The following CDH23 variants were observed in gnomAD, a reference collection of about 807,000 sequenced individuals.
CDH23 encodes cadherin-23.
Under a neutral mutation model 317.1 loss-of-function variants are expected in CDH23, and 189 were observed. That is an observed-to-expected ratio of 0.60 (90% CI 0.53 to 0.67). CDH23 has a LOEUF of 0.67. Ranked by LOEUF, CDH23 falls within the 30% of genes least tolerant of loss-of-function variation. The pLI is 0.00. For synonymous variants in CDH23, 1,839 were observed against 1,876.8 expected, an observed-to-expected ratio of 0.98 and a Z score of 0.52; for missense variants, 4,401 against 4,592.4, an observed-to-expected ratio of 0.96 and a Z score of 1.20.
At chr10:71,416,178 C>T (rs1397751478) in intron 1 of CDH23, among the ~76,000 whole-genome samples, 2 of 152,172 alleles carry the variant, frequency 1.3e-5, no homozygotes, top group African/African-American at 4.8e-5. Flanking sequence ...GTGCGCACCA[C>T]CATGCCCGGC....
chr10:71,444,429 C>T (rs548599557), intron 2 of CDH23, among the ~76,000 whole-genome samples: 9 of 152,180 alleles, frequency 5.9e-5, no homozygotes, highest in African/African-American at 1.9e-4. Context: ...GTGCTCCTGA[C>T]AGGAGACTGG....
chr10:71,784,194 G>T, intron 41 of CDH23, 93 bp from the exon 42 acceptor site: 2 of 1,412,708 alleles, frequency 1.4e-6, no homozygotes, highest in Non-Finnish European at 1.9e-6. Context: ...CCTGTGACGA[G>T]TGAGGCTTGC....
At chr10:71,752,873 A>G (rs1840040804) in intron 38 of CDH23, 2 of 1,383,930 alleles carry the variant, frequency 1.4e-6, no homozygotes, top group African/African-American at 2.9e-5. Flanking sequence ...TCTTCTGACC[A>G]GCTGCTCTAG....
intron 1 of CDH23, among the ~76,000 whole-genome samples, chr10:71,403,408 T>TTTCTTTCTTTCTCTTCCTTC: frequency 1.8e-5 from 1 of 57,112 alleles, no homozygotes; most frequent in East Asian, 5.6e-4. Context: ...TCTTTCTTTC[T>TTTCTTTCTTTCTCTTCCTTC]CTTCCTTCCT....
At chr10:71,685,869 A>C (rs1864854079) in intron 18 of CDH23, among the ~76,000 whole-genome samples, 1 of 152,154 alleles carries the variant, frequency 6.6e-6, no homozygotes, top group Non-Finnish European at 1.5e-5. Flanking sequence ...AGTAGCTGTC[A>C]CTCGGCTAAG....
At chr10:71,578,802 G>A (rs1436704399) in intron 9 of CDH23, among the ~76,000 whole-genome samples, 1 of 152,158 alleles carries the variant, frequency 6.6e-6, no homozygotes, top group African/African-American at 2.4e-5. Flanking sequence ...GGCAGGCCAG[G>A]TTGATGGCCG....
At chr10:71,701,295 G>T (rs1220409784) in intron 22 of CDH23, among the ~76,000 whole-genome samples, 1 of 152,208 alleles carries the variant, frequency 6.6e-6, no homozygotes, top group East Asian at 1.9e-4. Context: ...GGTGCACGCA[G>T]GGGGCCTCGG....
At chr10:71,765,198 C>A (rs1840504980) in intron 38 of CDH23, among the ~76,000 whole-genome samples, 1 of 152,250 alleles carries the variant, frequency 6.6e-6, no homozygotes, top group Admixed American at 6.5e-5. Flanking sequence ...CAGCTTCTGC[C>A]CCTTTCTCCC....
intron 6 of CDH23, among the ~76,000 whole-genome samples, chr10:71,560,453 G>A (rs1458645362): frequency 1.3e-5 from 2 of 152,040 alleles, no homozygotes; most frequent in East Asian, 3.9e-4. Context: ...AGACCAGGAA[G>A]TCCCACTTGA....
chr10:71,656,984 G>A (rs1488597659), intron 14 of CDH23, among the ~76,000 whole-genome samples: 3 of 152,212 alleles, frequency 2.0e-5, no homozygotes, highest in East Asian at 1.9e-4. Context: ...CAAGAAGCAG[G>A]GAAGGATGAG....
chr10:71,542,309 C>A (rs1856030962), intron 6 of CDH23, among the ~76,000 whole-genome samples: 2 of 152,222 alleles, frequency 1.3e-5, no homozygotes, highest in Non-Finnish European at 2.9e-5. Context: ...TTCTCCAGAA[C>A]CTCCTTTTCC....
At chr10:71,580,717 G>A (rs529306889) in intron 9 of CDH23, among the ~76,000 whole-genome samples, 3 of 152,234 alleles carry the variant, frequency 2.0e-5, no homozygotes, top group African/African-American at 4.8e-5. Context: ...TACCTATTTC[G>A]TGGGTGTTTG....
chr10:71,594,536 G>A (rs1210989351), intron 9 of CDH23, among the ~76,000 whole-genome samples: 1 of 152,162 alleles, frequency 6.6e-6, no homozygotes, highest in Non-Finnish European at 1.5e-5. Flanking sequence ...ACCACACCTG[G>A]CTAATTTTTG....
chr10:71,550,975 G>A (rs987014849), intron 6 of CDH23, among the ~76,000 whole-genome samples: 1 of 152,208 alleles, frequency 6.6e-6, no homozygotes, highest in Non-Finnish European at 1.5e-5. Flanking sequence ...AGGCTTCCTC[G>A]CAGCAGAAAA....
chr10:71,725,535 G>A lies in CDH23; in HGVS notation c.3579+15G>A, dbSNP rs1254317664. 19 of 1,609,016 alleles carry A rather than the reference G, an allele frequency of 1.2e-5. No individual in the cohort carries two copies. The highest frequency in any genetic ancestry group is 5.1e-5 in the Admixed American group (3 of 59,404). ...GCTCCGTCAGGGTGAGGCTAGGGGCGGGCTGGGGTGCTGACCTCAGGACGG... is the reference window on the plus strand; with the variant it reads ...GCTCCGTCAGGGTGAGGCTAGGGGCAGGCTGGGGTGCTGACCTCAGGACGG... On this transcript the variant is annotated intron_variant, in intron 30 of 69. Coordinates refer to ENST00000224721, the MANE Select transcript of CDH23 (RefSeq NM_022124.6).
At chr10:71,413,654 T>C (rs1442730942) in intron 1 of CDH23, among the ~76,000 whole-genome samples, 1 of 152,194 alleles carries the variant, frequency 6.6e-6, no homozygotes, top group Non-Finnish European at 1.5e-5. Flanking sequence ...TTTATGAACA[T>C]GGGATGTCTT....
At chr10:71,759,846 C>CACACACACACACACACACACACAT (rs776230069) in intron 38 of CDH23, among the ~76,000 whole-genome samples, 1 of 59,932 alleles carries the variant, frequency 1.7e-5, no homozygotes, top group Non-Finnish European at 3.4e-5. Context: ...CACACACACA[C>CACACACACACACACACACACACAT]ATATACACAC....
At chr10:71,486,092 T>C (rs1338245529) in intron 3 of CDH23, among the ~76,000 whole-genome samples, 4 of 152,232 alleles carry the variant, frequency 2.6e-5, no homozygotes, top group Non-Finnish European at 4.4e-5. Context: ...ATTATGTAGA[T>C]GTCAGTGACA....
intron 30 of CDH23, among the ~76,000 whole-genome samples, chr10:71,728,977 C>T (rs941005096): frequency 2.0e-5 from 3 of 151,978 alleles, no homozygotes; most frequent in Admixed American, 6.6e-5. Flanking sequence ...ACTACAGGTG[C>T]GTGCTATCAC....
Sources: allele counts gnomAD v4.1 joint callset (sites outside exome capture counted in the v4.1 genomes callset), GRCh38; gene constraint gnomAD v4.1.1; transcripts MANE v1.5; gene names NCBI Gene and HGNC (gene_info 2026-07-23, HGNC 2026-07-21).